SLC4A4: variants seen among roughly 807,000 people sequenced by gnomAD.
SLC4A4 encodes solute carrier family 4 member 4.
Under a neutral mutation model 111.5 loss-of-function variants are expected in SLC4A4, and 27 were observed. The ratio of observed to expected loss-of-function variants is 0.24; its 90% CI spans 0.18 to 0.33. SLC4A4 has a LOEUF of 0.33. Among genes scored for constraint, SLC4A4 ranks in the 10% least tolerant of loss-of-function variants. The pLI is 1.00. For missense variants in SLC4A4, 909 were observed against 1,315.5 expected (o/e 0.69, Z 4.78); for synonymous variants, 443 against 463.4 (o/e 0.96, Z 0.57).
In SLC4A4 at chr4:71,450,562, A is replaced by T; in HGVS notation, c.1208+19A>T. ...ACAAAAGGTAAATTATAGGCAGTTG[A>T]TAATTTTCAGTAGCTGAGATGACTC... On this transcript the variant is annotated intron_variant, in intron 10 of 25. Transcript: ENST00000264485. 1 of 1,610,352 alleles carries T rather than the reference A, an allele frequency of 6.2e-7. No homozygotes were observed.
chr4:71,358,118 T>C (rs928755440), intron 6 of SLC4A4, among the ~76,000 whole-genome samples: 5 of 151,968 alleles, frequency 3.3e-5, no homozygotes, highest in Admixed American at 1.3e-4. Context: ...ATGGAGACCA[T>C]CCTGGCTAAC....
intron 3 of SLC4A4, among the ~76,000 whole-genome samples, chr4:71,267,976 A>G (rs548932252): frequency 6.7e-6 from 1 of 149,876 alleles, no homozygotes; most frequent in Non-Finnish European, 1.5e-5. Flanking sequence ...TTTTCTCAAC[A>G]TTGTTTATCT....
intron 7 of SLC4A4, among the ~76,000 whole-genome samples, chr4:71,399,933 T>C (rs1199859792): frequency 6.6e-6 from 1 of 152,208 alleles, no homozygotes; most frequent in East Asian, 1.9e-4. Context: ...CATTTAAATA[T>C]GGGTACATTG....
At chr4:71,125,790 G>C (rs1375631210) in intron 2 of SLC4A4, among the ~76,000 whole-genome samples, 2 of 152,144 alleles carry the variant, frequency 1.3e-5, no homozygotes, top group Admixed American at 6.5e-5. Context: ...GCTTGAATCT[G>C]TGCTGATTTT....
intron 3 of SLC4A4, among the ~76,000 whole-genome samples, chr4:71,261,800 G>A (rs2149068782): frequency 2.0e-5 from 3 of 152,282 alleles, no homozygotes; most frequent in Middle Eastern, 6.8e-3. Context: ...GATGTTATGA[G>A]TAGTGTGTTT....
chr4:71,368,237 A>C (rs1731512391), intron 6 of SLC4A4, among the ~76,000 whole-genome samples: 1 of 152,234 alleles, frequency 6.6e-6, no homozygotes, highest in Non-Finnish European at 1.5e-5. Context: ...TCCAGGTGAT[A>C]AAATGTATCT....
chr4:71,424,319 A>G (rs1283322256), intron 7 of SLC4A4, among the ~76,000 whole-genome samples: 6 of 152,042 alleles, frequency 3.9e-5, no homozygotes, highest in East Asian at 1.9e-4. Flanking sequence ...TTGAATGGCA[A>G]TCGTTAAAAA....
chr4:71,424,142 C>G (rs1259447620), intron 7 of SLC4A4, among the ~76,000 whole-genome samples: 6 of 151,970 alleles, frequency 3.9e-5, no homozygotes, highest in Non-Finnish European at 5.9e-5. Flanking sequence ...AACAAATTTA[C>G]AAGAAAAAAC....
In SLC4A4 at chr4:71,567,952, T is replaced by C; in HGVS notation, c.*201T>C. 2 of 1,031,336 alleles carry C rather than the reference T, an allele frequency of 1.9e-6. No homozygotes were observed. The highest frequency in any genetic ancestry group is 2.9e-6 in the Non-Finnish European group (2 of 696,990). 63.9% of individuals were successfully genotyped at this position (1,031,336 alleles called of 1,614,324 possible). On this transcript the variant is annotated 3_prime_UTR_variant, in exon 26 of 26. Coordinates refer to ENST00000264485, the MANE Select transcript of SLC4A4 (RefSeq NM_001098484.3). ...TTAATGTCATTTGTTTTTGTTTGGC[T>C]GTTTGTTTATTTTTTAACTTTTATT... is the stretch of plus-strand genomic sequence containing the variant.
At chr4:71,432,159 A>G (rs992141358) in intron 7 of SLC4A4, among the ~76,000 whole-genome samples, 4 of 152,144 alleles carry the variant, frequency 2.6e-5, no homozygotes, top group African/African-American at 9.7e-5. Flanking sequence ...AGGAAAAGGC[A>G]ATTTTTGATA....
chr4:71,222,571 A>G (rs1459617845), intron 1 of SLC4A4, among the ~76,000 whole-genome samples: 1 of 152,230 alleles, frequency 6.6e-6, no homozygotes, highest in African/African-American at 2.4e-5. Context: ...CACTCAATAA[A>G]TTGAATAAAT....
intron 3 of SLC4A4, among the ~76,000 whole-genome samples, chr4:71,308,923 G>A (rs1725915181): frequency 6.6e-6 from 1 of 152,166 alleles, no homozygotes; most frequent in Admixed American, 6.5e-5. Flanking sequence ...AGGGAGCCAA[G>A]TGATCTCCTG....
At chr4:71,156,573 T>TCC (rs1744472967) in intron 2 of SLC4A4, among the ~76,000 whole-genome samples, 3 of 85,642 alleles carry the variant, frequency 3.5e-5, no homozygotes, top group Non-Finnish European at 6.8e-5. Flanking sequence ...TGTGCGCGCA[T>TCC]GCGCGCGCGC....
chr4:71,268,661 A>G (rs1046427005), intron 3 of SLC4A4, among the ~76,000 whole-genome samples: 1 of 152,224 alleles, frequency 6.6e-6, no homozygotes, highest in African/African-American at 2.4e-5. Context: ...TTCTTTAAAA[A>G]TAAATCAGAA....
intron 14 of SLC4A4, among the ~76,000 whole-genome samples, chr4:71,474,680 G>C (rs1353786118): frequency 6.6e-6 from 1 of 150,744 alleles, no homozygotes; most frequent in Non-Finnish European, 1.5e-5. Flanking sequence ...AGATAAATTA[G>C]CACACATTAA....
rs557089615 is a variant in SLC4A4, at chr4:71,154,366, T to C, written c.-2+61574T>C. Among the ~76,000 whole-genome samples, 7 of 152,302 alleles carry C rather than the reference T, an allele frequency of 4.6e-5. No homozygotes were observed. In the South Asian group the frequency reaches 1.4e-3, roughly 32 times the overall value. On this transcript the variant is annotated intron_variant, in intron 2 of 26. Coordinates refer to the SLC4A4 transcript ENST00000649996. ...TCACAGGATTAGAGTGTGGACGCTT[T>C]CATTGGAAGAAAGTAGAGAGTTGGG...
chr4:71,298,082 C>T (rs1191361801), intron 3 of SLC4A4, among the ~76,000 whole-genome samples: 2 of 152,076 alleles, frequency 1.3e-5, no homozygotes, highest in Non-Finnish European at 2.9e-5. Flanking sequence ...TTGTGAGCTT[C>T]AAATGAGATA....
At chr4:71,166,830 T>G (rs1004251634) in intron 2 of SLC4A4, among the ~76,000 whole-genome samples, 15 of 152,204 alleles carry the variant, frequency 9.9e-5, no homozygotes, top group African/African-American at 3.6e-4. Context: ...GAAATGACAT[T>G]TAGTTTAAAA....
chr4:71,278,725 C>T (rs1002529312), intron 3 of SLC4A4, among the ~76,000 whole-genome samples: 1 of 152,102 alleles, frequency 6.6e-6, no homozygotes, highest in African/African-American at 2.4e-5. Flanking sequence ...ACCTATTGGT[C>T]ATTTATTTAT....
Sources: gnomAD v4.1 joint callset for allele counts (sites outside exome capture counted in the v4.1 genomes callset) on GRCh38, gnomAD v4.1.1 for gene constraint, MANE v1.5 for transcripts, NCBI Gene and HGNC (gene_info 2026-07-23, HGNC 2026-07-21) for gene names.